GPR12: variants seen among roughly 807,000 people sequenced by gnomAD.
The protein encoded by GPR12 is G protein-coupled receptor 12.
A neutral mutation model predicts 18.9 loss-of-function variants in GPR12; 7 were observed. That is an observed-to-expected ratio of 0.37 (90% confidence interval 0.21 to 0.70). GPR12 has a LOEUF of 0.70. GPR12 is among the 30% of genes least tolerant of loss of function. The pLI is 0.54. For missense variants in GPR12, 327 were observed against 427.7 expected, an observed-to-expected ratio of 0.76 and a Z score of 2.08; for synonymous variants, 201 against 188.6, an observed-to-expected ratio of 1.07 and a Z score of -0.54.
rs1197435434 is a variant in GPR12 at position 26,755,744 on chromosome 13, CTAAT to C, written c.*3075_*3078del. 6.6e-6 allele frequency: 1 copy of C among 152,188 alleles called. No individual in the cohort carries two copies. Among genetic ancestry groups the C allele is most frequent in the African/African-American group, 2.4e-5 (1 of 41,436 alleles). The allele number at this position is 152,188 out of a possible 1,614,324, so 9.4% of individuals were successfully genotyped here. Reference sequence around the variant, plus strand: ...TCATAACTTCGATGACTAGTTTTGACTAATTCAGGATTCTGGTAAAGTAATGGAA... The same window carrying C: ...TCATAACTTCGATGACTAGTTTTGACTCAGGATTCTGGTAAAGTAATGGAA... On this transcript the variant is annotated 3_prime_UTR_variant, in exon 2 of 2. Transcript: ENST00000405846.
In GPR12 at chr13:26,759,612, G is replaced by T. The variant is rs981594626; in HGVS notation, c.216C>A (p.Asn72Lys). The change falls in exon 2 of 2, where the codon AAC becomes AAA. Residue 72 changes from asparagine (N) to lysine (K), a missense_variant. Asn to Lys is a moderately conservative substitution (Grantham distance 94). Transcript: ENST00000405846. Reference sequence around the variant, plus strand: ...GGAACATGGGTGCTCGCAGGCTGGGGTTGTGGAAGATGATAAGGACCACAA... The same window carrying T: ...GGAACATGGGTGCTCGCAGGCTGGGTTTGTGGAAGATGATAAGGACCACAA... ...NAIVVLIIFH[N>K]PSLRAPMFLL... 2.5e-6 allele frequency: 4 copies of T among 1,614,194 alleles called. No homozygotes were observed. Among genetic ancestry groups the T allele is most frequent in the Non-Finnish European group, 3.4e-6 (4 of 1,180,036 alleles).
At chr13:26,759,886 G>T (rs1884451313) in intron 1 of GPR12, 44 bp from the exon 2 acceptor site, 1 of 1,512,918 alleles carries the variant, frequency 6.6e-7, no homozygotes, top group Non-Finnish European at 8.8e-7. Context: ...ATACAGCAGG[G>T]TGACAATCCA....
In GPR12 at chr13:26,759,496, G is replaced by A. The variant is rs1451303747; in HGVS notation, c.332C>T (p.Ala111Val). ...FVFAYLLQSE[A>V]TKLVTIGLIV... is the part of the protein sequence containing the mutation. The stretch of plus-strand genomic sequence containing the variant: ...GAGGCCGATCGTGACCAGCTTGGTG[G>A]CTTCTGACTGAAGCAGGTAGGCAAA... The change falls in exon 2 of 2, where the codon GCC becomes GTC. Residue 111 changes from alanine (A) to valine (V), a missense_variant. Ala to Val is a moderately conservative substitution (Grantham distance 64, BLOSUM62 0). Coordinates refer to ENST00000405846, the MANE Select transcript of GPR12 (RefSeq NM_005288.4). The A allele has an allele frequency of 6.2e-7, 1 of 1,614,078 alleles. No individual in the cohort carries two copies. Among genetic ancestry groups the A allele is most frequent in the Non-Finnish European group, 8.5e-7 (1 of 1,180,044 alleles).
intron 1 of GPR12, chr13:26,760,355 C>T: frequency 6.1e-6 from 1 of 165,198 alleles, no homozygotes. Context: ...CACCCCCGAC[C>T]GGAACAAAGA....
At chr13:26,760,482 T>C (rs1884462531) in intron 1 of GPR12, 97 bp downstream of exon 1, 1 of 150,558 alleles carries the variant, frequency 6.6e-6, no homozygotes, top group Admixed American at 6.6e-5. Flanking sequence ...CTGCTGCCGA[T>C]TCCCTGGCGG....
At position 26,759,389 on chromosome 13, in the gene GPR12, T is replaced by C. The variant is rs1355910962; in HGVS notation, c.439A>G (p.Thr147Ala). 14 of 1,613,672 alleles carry C rather than the reference T, an allele frequency of 8.7e-6. No individual in the cohort carries two copies. Among genetic ancestry groups the C allele is most frequent in the Non-Finnish European group, 1.2e-5 (14 of 1,179,984 alleles). ...GTGACCGTCCTCTCCGAATGGTACGTCAGAGCGTAGTACAGTGAGAGGTAG... is the reference window on the plus strand; with the variant it reads ...GTGACCGTCCTCTCCGAATGGTACGCCAGAGCGTAGTACAGTGAGAGGTAG... ...DRYLSLYYALTYHSERTVTFT... is the reference protein window; with the variant it reads ...DRYLSLYYALAYHSERTVTFT... The change falls in exon 2 of 2, where the codon ACG becomes GCG. Residue 147 changes from threonine to alanine, a missense_variant. Transcript: ENST00000405846.
Position 26,756,815 on chromosome 13 carries a change from T to A in GPR12, c.*2008A>T, listed in dbSNP as rs1593160091. Reference sequence around the variant, plus strand: ...ATTATTCTCTTTATAATTCTGACTATTGGAGATATGCAAATGGAGCCACTA... The same window carrying A: ...ATTATTCTCTTTATAATTCTGACTAATGGAGATATGCAAATGGAGCCACTA... On this transcript the variant is annotated 3_prime_UTR_variant, in exon 2 of 2. Transcript: ENST00000405846. 6.6e-6 allele frequency: 1 copy of A among 152,178 alleles called. No individual in the cohort carries two copies. The highest frequency in any genetic ancestry group is 2.4e-5 in the African/African-American group (1 of 41,438). 9.4% of individuals were successfully genotyped at this position (152,178 alleles called of 1,614,324 possible). A position where few individuals can be genotyped will look rare whatever the true frequency, so the allele number is the denominator to read the frequency against.
rs770351197 is a variant in GPR12 at position 26,759,087 on chromosome 13, C to T, written c.741G>A (p.Arg247=). The T allele has an allele frequency of 6.2e-7, 1 of 1,613,888 alleles. No individual in the cohort carries two copies. Among genetic ancestry groups the T allele is most frequent in the South Asian group, 1.1e-5 (1 of 91,038 alleles). The change falls in exon 2 of 2, where the codon CGG becomes CGA. Residue 247 remains arginine (R), a synonymous_variant. Transcript: ENST00000405846. The stretch of plus-strand genomic sequence containing the variant: ...TGATAGCCAGGGTGGAGACCCCTTT[C>T]CGGGTGGTCACATAGTGCGACGTGG... ...FLATSHYVTT[R]KGVSTLAIIL...
rs777973059 is a variant in GPR12 at position 26,755,460 on chromosome 13, T to G, written c.*3363A>C. On this transcript the variant is annotated 3_prime_UTR_variant, in exon 2 of 2. Coordinates refer to ENST00000405846, the MANE Select transcript of GPR12 (RefSeq NM_005288.4). ...ATGATATTTTTATTGGCACTAAGTATCTCTATTCCTCCTCTGCTCTTTTAA... is the reference window on the plus strand; with the variant it reads ...ATGATATTTTTATTGGCACTAAGTAGCTCTATTCCTCCTCTGCTCTTTTAA... 2 of 152,194 alleles carry G rather than the reference T, an allele frequency of 1.3e-5. No homozygotes were observed. Among genetic ancestry groups the G allele is most frequent in the African/African-American group, 2.4e-5 (1 of 41,454 alleles). 9.4% of individuals were successfully genotyped at this position (152,194 alleles called of 1,614,324 possible). A position where few individuals can be genotyped will look rare whatever the true frequency, so the allele number is the denominator to read the frequency against.
chr13:26,760,192 G>T, intron 1 of GPR12: 1 of 191,554 alleles, frequency 5.2e-6, no homozygotes, highest in South Asian at 1.8e-4. Context: ...ACGAACAACT[G>T]TTTGACATCT....
In GPR12 at chr13:26,758,843, G is replaced by A. The variant is rs753635977; in HGVS notation, c.985C>T (p.Arg329Cys). 7 of 1,611,108 alleles carry A rather than the reference G, an allele frequency of 4.3e-6. No homozygotes were observed. The highest frequency in any genetic ancestry group is 2.2e-5 in the East Asian group (1 of 44,820). ...GGGTGCTACACATCACTGGGCGAGC[G>A]CGCTCTCTGGGCGAGACTGGACGGG... ...CIPSSLAQRA[R>C]SPSDV The change falls in exon 2 of 2, where the codon CGC (arginine) becomes TGC (cysteine). Residue 329 changes from arginine (R) to cysteine (C), a missense_variant. Physicochemically the swap from Arg to Cys is radical, Grantham distance 180. Coordinates refer to ENST00000405846, the MANE Select transcript of GPR12 (RefSeq NM_005288.4).
Position 26,759,594 on chromosome 13 carries a change from G to A in GPR12, c.234C>T (p.Pro78=). ...CCAGGCTGCCTATTAGCAGGAACAT[G>A]GGTGCTCGCAGGCTGGGGTTGTGGA... The part of the protein sequence containing the change: ...IIFHNPSLRA[P]MFLLIGSLAL... Residue 78 remains proline (P), a synonymous_variant, in exon 2 of 2, where the codon CCC becomes CCT. Coordinates refer to ENST00000405846, the MANE Select transcript of GPR12 (RefSeq NM_005288.4). 1 of 1,614,172 alleles carries A rather than the reference G, an allele frequency of 6.2e-7. No homozygotes were observed. The highest frequency in any genetic ancestry group is 8.5e-7 in the Non-Finnish European group (1 of 1,180,030).
Position 26,760,243 on chromosome 13 carries a change from G to C in GPR12, c.-16+336C>G, listed in dbSNP as rs888375123. The C allele has an allele frequency of 4.5e-5, 8 of 177,488 alleles. 1 individual carries two copies. The highest frequency in any genetic ancestry group is 1.7e-4 in the African/African-American group (7 of 41,758). The allele number at this position is 177,488 out of a possible 1,614,324, so 11.0% of individuals were successfully genotyped here. A position where few individuals can be genotyped will look rare whatever the true frequency, so the allele number is the denominator to read the frequency against. On this transcript the variant is annotated intron_variant, in intron 1 of 1. Coordinates refer to ENST00000405846, the MANE Select transcript of GPR12 (RefSeq NM_005288.4). ...AAACCACGCGGCAGCGGCAGGTCTC[G>C]AGCCAGGGGCCGCCATCCTCGATGG...
chr13:26,759,178 T>C lies in GPR12; in HGVS notation c.650A>G (p.Tyr217Cys). The change falls in exon 2 of 2, where the codon TAC becomes TGC. Residue 217 changes from tyrosine to cysteine, a missense_variant. Physicochemically the swap from Tyr to Cys is radical, Grantham distance 194 (BLOSUM62 -2). Coordinates refer to ENST00000405846, the MANE Select transcript of GPR12 (RefSeq NM_005288.4). ...LFMFALMLQL[Y>C]IQICKIVMRH... ...CATCACAATCTTACAGATCTGGATG[T>C]AGAGCTGAAGCATGAGCGCAAACAT... The C allele has an allele frequency of 6.2e-7, 1 of 1,612,738 alleles. No individual in the cohort carries two copies. Among genetic ancestry groups the C allele is most frequent in the Non-Finnish European group, 8.5e-7 (1 of 1,179,790 alleles).
rs1338976413 is a variant in GPR12, at chr13:26,757,936, A to AT, written c.*886dup. On this transcript the variant is annotated 3_prime_UTR_variant, in exon 2 of 2. Transcript: ENST00000405846. ...ATTTAATCTACTCTCAATTGCTAAT[A>AT]TTTTTTCCTTTTGTTTTCTGAAAAC... is the stretch of plus-strand genomic sequence containing the variant. The AT allele has an allele frequency of 5.3e-5, 8 of 152,218 alleles. No individual in the cohort carries two copies. Among genetic ancestry groups the AT allele is most frequent in the Non-Finnish European group, 7.3e-5 (5 of 68,036 alleles). 9.4% of individuals were successfully genotyped at this position (152,218 alleles called of 1,614,324 possible). A position where few individuals can be genotyped will look rare whatever the true frequency, so the allele number is the denominator to read the frequency against.
In GPR12 at chr13:26,757,301, G is replaced by T. The variant is rs1263904028; in HGVS notation, c.*1522C>A. The T allele has an allele frequency of 2.6e-5, 4 of 152,184 alleles. No individual in the cohort carries two copies. Among genetic ancestry groups the T allele is most frequent in the Non-Finnish European group, 5.9e-5 (4 of 68,032 alleles). The allele number at this position is 152,184 out of a possible 1,614,324, so 9.4% of individuals were successfully genotyped here. On this transcript the variant is annotated 3_prime_UTR_variant, in exon 2 of 2. Transcript: ENST00000405846. ...AATTTATTACAAATGATTCCCCAAT[G>T]ACCCTGAAATACTGCTTTTGCTGCC...
In GPR12 at chr13:26,756,697, C is replaced by G. The variant is rs1253095187; in HGVS notation, c.*2126G>C. 1 of 152,158 alleles carries G rather than the reference C, an allele frequency of 6.6e-6. No homozygotes were observed. Among genetic ancestry groups the G allele is most frequent in the African/African-American group, 2.4e-5 (1 of 41,432 alleles). 9.4% of individuals were successfully genotyped at this position (152,158 alleles called of 1,614,324 possible). ...ATTTTTTATCCTCGCCTCTCTTAGT[C>G]TTAGTTTTCTCACCTATAAAAGTAG... On this transcript the variant is annotated 3_prime_UTR_variant, in exon 2 of 2. Transcript: ENST00000405846.
Position 26,758,625 on chromosome 13 carries a change from TAATGGTGAA to T in GPR12, c.*189_*197del. 5 of 819,788 alleles carry T rather than the reference TAATGGTGAA, an allele frequency of 6.1e-6. No homozygotes were observed. The highest frequency in any genetic ancestry group is 9.0e-6 in the Non-Finnish European group (5 of 558,332). 50.8% of individuals were successfully genotyped at this position (819,788 alleles called of 1,614,324 possible). A position where few individuals can be genotyped will look rare whatever the true frequency, so the allele number is the denominator to read the frequency against. Reference sequence around the variant, plus strand: ...GAGTGGAGAGCTCAACAATTTTTTTTAATGGTGAAAACACTGGTAACATTATTTTCACTT... The same window carrying T: ...GAGTGGAGAGCTCAACAATTTTTTTTAACACTGGTAACATTATTTTCACTT... On this transcript the variant is annotated 3_prime_UTR_variant, in exon 2 of 2. Coordinates refer to ENST00000405846, the MANE Select transcript of GPR12 (RefSeq NM_005288.4).
Position 26,755,540 on chromosome 13 carries a change from A to G in GPR12, c.*3283T>C, listed in dbSNP as rs1038541005. On this transcript the variant is annotated 3_prime_UTR_variant, in exon 2 of 2. Coordinates refer to ENST00000405846, the MANE Select transcript of GPR12 (RefSeq NM_005288.4). ...TGGGGGAGTCTAAGACTATTTCTGCATGGCCAAGTCAACCAAGGAATCCAC... is the reference window on the plus strand; with the variant it reads ...TGGGGGAGTCTAAGACTATTTCTGCGTGGCCAAGTCAACCAAGGAATCCAC... 1 of 152,144 alleles carries G rather than the reference A, an allele frequency of 6.6e-6. No individual in the cohort carries two copies. Among genetic ancestry groups the G allele is most frequent in the African/African-American group, 2.4e-5 (1 of 41,422 alleles). The allele number at this position is 152,144 out of a possible 1,614,324, so 9.4% of individuals were successfully genotyped here. A position where few individuals can be genotyped will look rare whatever the true frequency, so the allele number is the denominator to read the frequency against.
Sources: gnomAD v4.1 joint callset for allele counts on GRCh38, gnomAD v4.1.1 for gene constraint, MANE v1.5 for transcripts, NCBI Gene and HGNC (gene_info 2026-07-23, HGNC 2026-07-21) for gene names.